ITGA8: variants seen among roughly 807,000 people sequenced by gnomAD.
ITGA8 encodes integrin subunit alpha 8.
A neutral mutation model predicts 142.3 loss-of-function variants in ITGA8; 91 were observed. That is an observed-to-expected ratio of 0.64 (90% CI 0.54 to 0.76). The LOEUF (loss-of-function observed/expected upper bound fraction) is 0.76, where lower values mean the gene tolerates loss of function less well. ITGA8 is among the 30% of genes least tolerant of loss of function. ITGA8 has a pLI of 0.00. For synonymous variants in ITGA8, 505 were observed against 485.2 expected (o/e 1.04, Z -0.54); for missense variants, 1,406 against 1,327.7 (o/e 1.06, Z -0.92).
At chr10:15,705,712 C>G (rs529827469) in intron 2 of ITGA8, among the ~76,000 whole-genome samples, 55 of 152,370 alleles carry the variant, frequency 3.6e-4, no homozygotes, top group African/African-American at 1.3e-3. Flanking sequence ...TTGACACACT[C>G]CACTGTAACT....
chr10:15,545,786 T>C (rs1018330644), intron 27 of ITGA8, among the ~76,000 whole-genome samples: 1 of 152,234 alleles, frequency 6.6e-6, no homozygotes, highest in African/African-American at 2.4e-5. Context: ...TTCATTCCTT[T>C]TTATTACTGT....
At chr10:15,519,460 G>C (rs757865985) in intron 28 of ITGA8, 48 bp from the exon 29 acceptor site, 1 of 1,596,940 alleles carries the variant, frequency 6.3e-7, no homozygotes, top group Non-Finnish European at 8.6e-7. Context: ...AAACTATTTG[G>C]TGAAATAAAA....
chr10:15,591,927 G>T (rs1316229292), intron 22 of ITGA8, among the ~76,000 whole-genome samples: 1 of 152,212 alleles, frequency 6.6e-6, no homozygotes, highest in African/African-American at 2.4e-5. Flanking sequence ...TTAGGGTGGG[G>T]AAAGACATGT....
At chr10:15,627,989 C>T (rs1449289909) in intron 13 of ITGA8, among the ~76,000 whole-genome samples, 2 of 151,982 alleles carry the variant, frequency 1.3e-5, no homozygotes, top group Non-Finnish European at 2.9e-5. Context: ...CTGCTCACTG[C>T]TCATTATATG....
intron 26 of ITGA8, among the ~76,000 whole-genome samples, chr10:15,555,084 A>T (rs2131564004): frequency 6.6e-6 from 1 of 152,326 alleles, no homozygotes; most frequent in East Asian, 1.9e-4. Context: ...GAGCAGTTCT[A>T]GTCCCCAAAG....
At chr10:15,576,308 T>C (rs1834296870) in intron 23 of ITGA8, among the ~76,000 whole-genome samples, 1 of 152,100 alleles carries the variant, frequency 6.6e-6, no homozygotes, top group South Asian at 2.1e-4. Context: ...ACTTGACATA[T>C]GATTATTTTT....
At chr10:15,654,646 C>T (rs1564394006) in intron 11 of ITGA8, among the ~76,000 whole-genome samples, 1 of 152,160 alleles carries the variant, frequency 6.6e-6, no homozygotes, top group African/African-American at 2.4e-5. Flanking sequence ...AATGTGAGAT[C>T]CCTGAGAGAC....
intron 4 of ITGA8, among the ~76,000 whole-genome samples, chr10:15,682,117 A>G (rs918498666): frequency 3.1e-4 from 47 of 152,096 alleles, no homozygotes; most frequent in Non-Finnish European, 2.5e-4. Context: ...GTCTTGTCTA[A>G]AATGCTGCTC....
At chr10:15,640,441 C>A (rs1013401760) in intron 13 of ITGA8, among the ~76,000 whole-genome samples, 1 of 152,140 alleles carries the variant, frequency 6.6e-6, no homozygotes, top group Non-Finnish European at 1.5e-5. Context: ...AAAAGCAGGA[C>A]CCCAGAGTGA....
At chr10:15,662,037 C>G (rs780996417) in intron 8 of ITGA8, among the ~76,000 whole-genome samples, 8 of 152,118 alleles carry the variant, frequency 5.3e-5, no homozygotes, top group Non-Finnish European at 1.2e-4. Flanking sequence ...ACATGGCAAC[C>G]ACAACTTTTC....
intron 8 of ITGA8, among the ~76,000 whole-genome samples, chr10:15,664,694 G>A (rs1339590091): frequency 7.9e-6 from 1 of 126,522 alleles, no homozygotes; most frequent in East Asian, 2.3e-4. Flanking sequence ...AGTCCCCAGT[G>A]TGTGATGCTC....
chr10:15,598,712 G>T (rs187590208), intron 20 of ITGA8, among the ~76,000 whole-genome samples: 1 of 152,240 alleles, frequency 6.6e-6, no homozygotes, highest in East Asian at 1.9e-4. Flanking sequence ...ATAAAACCCT[G>T]CCCCCAGAAT....
chr10:15,694,591 A>C (rs1255642057), intron 2 of ITGA8, among the ~76,000 whole-genome samples: 4 of 138,626 alleles, frequency 2.9e-5, no homozygotes, highest in Admixed American at 2.3e-4. Context: ...AAATATATAA[A>C]ATGGATATAT....
chr10:15,555,823 G>A (rs970998535), intron 26 of ITGA8, among the ~76,000 whole-genome samples: 6 of 151,610 alleles, frequency 4.0e-5, no homozygotes, highest in Non-Finnish European at 7.4e-5. Context: ...AGCCTCCCGA[G>A]GAGCTGGGAC....
chr10:15,683,519 A>T (rs1033430331), intron 4 of ITGA8, among the ~76,000 whole-genome samples: 1 of 152,260 alleles, frequency 6.6e-6, no homozygotes, highest in Non-Finnish European at 1.5e-5. Flanking sequence ...AGGATTAAAC[A>T]TCTTAAGCAG....
intron 6 of ITGA8, among the ~76,000 whole-genome samples, chr10:15,675,248 A>T (rs1390135906): frequency 1.3e-5 from 2 of 152,210 alleles, no homozygotes; most frequent in East Asian, 3.9e-4. Context: ...ATTTTCATAC[A>T]CAACAGAACA....
At chr10:15,614,549 C>T (rs1467873367) in intron 14 of ITGA8, among the ~76,000 whole-genome samples, 4 of 151,954 alleles carry the variant, frequency 2.6e-5, no homozygotes, top group South Asian at 2.1e-4. Context: ...TTGCAGCCAC[C>T]CAGATGAGGA....
intron 21 of ITGA8, among the ~76,000 whole-genome samples, chr10:15,595,653 G>C (rs1407724349): frequency 6.6e-6 from 1 of 152,200 alleles, no homozygotes; most frequent in Non-Finnish European, 1.5e-5. Flanking sequence ...CTCTGGTCTA[G>C]CTGTAACACT....
At chr10:15,656,394 C>T (rs1158206819) in intron 10 of ITGA8, among the ~76,000 whole-genome samples, 1 of 151,848 alleles carries the variant, frequency 6.6e-6, no homozygotes, top group Non-Finnish European at 1.5e-5. Flanking sequence ...GATGAAGTCT[C>T]GCTCTGTTGC....
Sources: gnomAD v4.1 joint callset for allele counts (sites outside exome capture counted in the v4.1 genomes callset) on GRCh38, gnomAD v4.1.1 for gene constraint, MANE v1.5 for transcripts, NCBI Gene and HGNC (gene_info 2026-07-23, HGNC 2026-07-21) for gene names.